Variants in DIS3L2 observed in about 807,000 individuals in gnomAD.
DIS3L2 encodes DIS3-like exonuclease 2.
DIS3L2 carries 34 observed loss-of-function variants against 97.5 expected under a neutral mutation model. That is an observed-to-expected ratio of 0.35 (90% confidence interval 0.27 to 0.46). DIS3L2 has a LOEUF of 0.46. Ranked by LOEUF, DIS3L2 falls within the 20% of genes least tolerant of loss-of-function variation. DIS3L2 has a pLI of 1.00. For missense variants in DIS3L2, 1,038 were observed against 1,146.0 expected (o/e 0.91, Z 1.36); for synonymous variants, 435 against 445.2 (o/e 0.98, Z 0.29).
chr2:232,104,542 A>G (rs1440189229), intron 6 of DIS3L2, among the ~76,000 whole-genome samples: 2 of 152,036 alleles, frequency 1.3e-5, no homozygotes, highest in Admixed American at 6.6e-5. Context: ...CATCATCCCA[A>G]ACAGAAGCTC....
intron 10 of DIS3L2, among the ~76,000 whole-genome samples, chr2:232,222,782 T>G (rs1036600693): frequency 6.6e-6 from 1 of 152,212 alleles, no homozygotes; most frequent in African/African-American, 2.4e-5. Flanking sequence ...GTGAACAATT[T>G]TAACTGTCCT....
chr2:231,994,337 G>A (rs13391784), intron 1 of DIS3L2, among the ~76,000 whole-genome samples: 14,162 of 151,114 alleles, frequency 0.094, 1,450 homozygotes, highest in African/African-American at 0.26. Flanking sequence ...ATTTTTTTTG[G>A]TCGTTCATTA....
At chr2:232,116,963 A>G (rs868297482) in intron 6 of DIS3L2, among the ~76,000 whole-genome samples, 18 of 152,314 alleles carry the variant, frequency 1.2e-4, no homozygotes, top group Middle Eastern at 6.8e-3. Context: ...CCTTGAACAA[A>G]AGTTCAGCTG....
chr2:232,192,937 C>G (rs1191191686), intron 9 of DIS3L2, among the ~76,000 whole-genome samples: 1 of 152,198 alleles, frequency 6.6e-6, no homozygotes, highest in African/African-American at 2.4e-5. Context: ...CTTTCTTCCT[C>G]TCTGCCTCTC....
intron 13 of DIS3L2, among the ~76,000 whole-genome samples, chr2:232,291,204 G>A (rs1047584855): frequency 6.6e-6 from 1 of 152,122 alleles, no homozygotes; most frequent in African/African-American, 2.4e-5. Context: ...CAGCATCTTT[G>A]TCTTATAAAA....
intron 14 of DIS3L2, 24 bp from the exon 15 acceptor site, chr2:232,329,789 T>TGGGCCCCCCCCCC: frequency 2.7e-6 from 1 of 368,622 alleles, no homozygotes; most frequent in East Asian, 7.6e-5. Flanking sequence ...CAGCGGTCCC[T>TGGGCCCCCCCCCC]CCCATCCCAC....
intron 13 of DIS3L2, among the ~76,000 whole-genome samples, chr2:232,275,311 A>G (rs954639773): frequency 6.6e-6 from 1 of 152,174 alleles, no homozygotes; most frequent in African/African-American, 2.4e-5. Flanking sequence ...TATAACTGTT[A>G]AGAAGGCAGA....
intron 6 of DIS3L2, among the ~76,000 whole-genome samples, chr2:232,097,961 G>C (rs1331650780): frequency 6.6e-6 from 1 of 152,148 alleles, no homozygotes; most frequent in East Asian, 1.9e-4. Context: ...CTTTAATTCA[G>C]CAGGTGATGA....
At chr2:232,213,879 C>T (rs1327830841) in intron 10 of DIS3L2, among the ~76,000 whole-genome samples, 2 of 152,012 alleles carry the variant, frequency 1.3e-5, no homozygotes, top group East Asian at 3.9e-4. Context: ...CAGTGACCAC[C>T]TGTCTACCAA....
At chr2:232,176,667 C>A (rs1234108416) in intron 9 of DIS3L2, among the ~76,000 whole-genome samples, 1 of 151,796 alleles carries the variant, frequency 6.6e-6, no homozygotes, top group African/African-American at 2.4e-5. Flanking sequence ...TGGCTCACTA[C>A]AACCTCCGCC....
At chr2:232,225,158 C>G (rs1692610794) in intron 10 of DIS3L2, among the ~76,000 whole-genome samples, 1 of 152,098 alleles carries the variant, frequency 6.6e-6, no homozygotes, top group Non-Finnish European at 1.5e-5. Context: ...TCTAAGTTGC[C>G]ACAACTACTT....
chr2:232,203,117 T>A (rs1041618343), intron 9 of DIS3L2, among the ~76,000 whole-genome samples: 3 of 152,238 alleles, frequency 2.0e-5, no homozygotes, highest in Admixed American at 1.3e-4. Context: ...AATTTGCTGA[T>A]TTCTTTATAA....
At chr2:232,275,410 G>A (rs917493725) in intron 13 of DIS3L2, among the ~76,000 whole-genome samples, 2 of 152,152 alleles carry the variant, frequency 1.3e-5, no homozygotes, top group Admixed American at 6.5e-5. Context: ...GGCATCACTC[G>A]GCTAGCTCAG....
At chr2:232,105,176 A>G (rs922801030) in intron 6 of DIS3L2, among the ~76,000 whole-genome samples, 3 of 152,188 alleles carry the variant, frequency 2.0e-5, no homozygotes, top group Non-Finnish European at 4.4e-5. Context: ...ACCTTTGGCT[A>G]TTGAATAGTG....
intron 6 of DIS3L2, among the ~76,000 whole-genome samples, chr2:232,112,303 CGTAA>C (rs1183418421): frequency 2.0e-5 from 3 of 152,158 alleles, no homozygotes; most frequent in African/African-American, 4.8e-5. Context: ...GCAAACTTCA[CGTAA>C]GTGAGGATTA....
intron 5 of DIS3L2, among the ~76,000 whole-genome samples, chr2:232,085,089 C>T (rs1232261931): frequency 4.6e-5 from 7 of 152,102 alleles, no homozygotes; most frequent in African/African-American, 7.2e-5. Flanking sequence ...GAACATTAGA[C>T]CTATCAAATA....
chr2:232,342,656 C>T (rs537982377), intron 13 of DIS3L2, among the ~76,000 whole-genome samples: 30 of 152,346 alleles, frequency 2.0e-4, no homozygotes, highest in Admixed American at 9.8e-4. Flanking sequence ...CCTACTGACA[C>T]GCAACCTCAG....
At chr2:232,319,268 AC>A in intron 14 of DIS3L2, among the ~76,000 whole-genome samples, 1 of 152,254 alleles carries the variant, frequency 6.6e-6, no homozygotes, top group Non-Finnish European at 1.5e-5. Flanking sequence ...CAGTGGACAC[AC>A]CCTGGACTGC....
intron 9 of DIS3L2, among the ~76,000 whole-genome samples, chr2:232,189,117 A>G (rs1691536629): frequency 6.6e-6 from 1 of 152,234 alleles, no homozygotes; most frequent in Non-Finnish European, 1.5e-5. Context: ...GAGAAAGTGG[A>G]TCACTCAAAC....
Sources: gnomAD v4.1 joint callset for allele counts (sites outside exome capture counted in the v4.1 genomes callset) on GRCh38, gnomAD v4.1.1 for gene constraint, MANE v1.5 for transcripts, NCBI Gene and HGNC (gene_info 2026-07-23, HGNC 2026-07-21) for gene names.